The following ASIC2 variants were observed in gnomAD, a reference collection of about 807,000 sequenced individuals.
ASIC2 encodes acid-sensing ion channel 2.
In ASIC2, 25 loss-of-function variants were observed where a neutral mutation model predicts 57.3. The ratio of observed to expected loss-of-function variants is 0.44; its 90% CI spans 0.32 to 0.61. The LOEUF is 0.61. ASIC2 is among the 20% of genes least tolerant of loss of function. The pLI, the probability that ASIC2 is intolerant of heterozygous loss-of-function variation, is 0.06. For missense variants in ASIC2, 641 were observed against 738.1 expected (o/e 0.87, Z 1.52); for synonymous variants, 319 against 307.5 (o/e 1.04, Z -0.39).
intron 1 of ASIC2, among the ~76,000 whole-genome samples, chr17:33,670,805 G>T (rs1171038965): frequency 6.6e-6 from 1 of 152,186 alleles, no homozygotes; most frequent in Non-Finnish European, 1.5e-5. Context: ...CCAGGTAAAT[G>T]TGCACCAGTC....
At chr17:33,628,852 C>T (rs1389916707) in intron 1 of ASIC2, among the ~76,000 whole-genome samples, 1 of 152,194 alleles carries the variant, frequency 6.6e-6, no homozygotes, top group African/African-American at 2.4e-5. Context: ...TAGCAAGAGA[C>T]CAGTCTGGGT....
intron 1 of ASIC2, among the ~76,000 whole-genome samples, chr17:33,212,444 C>T (rs534409921): frequency 3.3e-5 from 5 of 152,146 alleles, no homozygotes; most frequent in East Asian, 1.9e-4. Flanking sequence ...TTCCAGGGAG[C>T]CTTCAGAAGG....
chr17:34,018,614 A>C (rs1172875751), intron 1 of ASIC2, among the ~76,000 whole-genome samples: 1 of 152,236 alleles, frequency 6.6e-6, no homozygotes, highest in Non-Finnish European at 1.5e-5. Flanking sequence ...ATTCATAGGA[A>C]GCAGTCAAAA....
At chr17:33,854,891 T>C (rs927536461) in intron 1 of ASIC2, among the ~76,000 whole-genome samples, 1 of 152,052 alleles carries the variant, frequency 6.6e-6, no homozygotes, top group African/African-American at 2.4e-5. Flanking sequence ...ACACGTGCTG[T>C]CTCCAGAGCT....
chr17:34,098,339 C>T (rs1910621658), intron 1 of ASIC2, among the ~76,000 whole-genome samples: 1 of 152,156 alleles, frequency 6.6e-6, no homozygotes, highest in African/African-American at 2.4e-5. Context: ...AGTGAACACA[C>T]CACAGTTCAG....
intron 1 of ASIC2, among the ~76,000 whole-genome samples, chr17:33,304,772 G>T (rs576488651): frequency 6.6e-6 from 1 of 152,128 alleles, no homozygotes; most frequent in East Asian, 1.9e-4. Context: ...ACTCAGATGC[G>T]AAACTGTCCC....
At chr17:34,118,885 G>C (rs1175610089) in intron 1 of ASIC2, 1 of 152,312 alleles carries the variant, frequency 6.6e-6, no homozygotes, top group Non-Finnish European at 1.5e-5. Flanking sequence ...GCATGGATAA[G>C]AATCAGTCCT....
At chr17:33,734,536 A>G (rs563741716) in intron 1 of ASIC2, among the ~76,000 whole-genome samples, 1 of 151,392 alleles carries the variant, frequency 6.6e-6, no homozygotes, top group Non-Finnish European at 1.5e-5. Context: ...TTTCCTACCT[A>G]CCCCTCTTCC....
chr17:33,494,085 G>A (rs758272410), intron 1 of ASIC2, among the ~76,000 whole-genome samples: 7 of 152,220 alleles, frequency 4.6e-5, no homozygotes, highest in Non-Finnish European at 1.0e-4. Context: ...CTAGGAAATG[G>A]TAAGCTGGGC....
chr17:34,147,733 G>A lies in ASIC2; in HGVS notation c.555+8245C>T, dbSNP rs1443472697. Among the ~76,000 whole-genome samples the A allele has an allele frequency of 1.3e-5, 2 of 152,176 alleles. 1 individual carries two copies. The highest frequency in any genetic ancestry group is 3.9e-4 in the East Asian group (2 of 5,194). ...TCAAATGGCCTTGCTGGTCAAGGTA[G>A]ATATTTTAACTCAGCTCCATCAAAC... On this transcript the variant is annotated intron_variant, in intron 1 of 9. Transcript: ENST00000359872.
At chr17:33,775,225 A>G (rs944561390) in intron 1 of ASIC2, among the ~76,000 whole-genome samples, 11 of 152,180 alleles carry the variant, frequency 7.2e-5, no homozygotes, top group African/African-American at 2.7e-4. Context: ...GCCTCCTCAC[A>G]TTACAAATTG....
chr17:33,139,760 T>C lies in ASIC2; in HGVS notation c.709-27693A>G, dbSNP rs943783394. On this transcript the variant is annotated intron_variant, in intron 1 of 9. Coordinates refer to ENST00000225823, the MANE Select transcript of ASIC2 (RefSeq NM_183377.2). ...TGGGCCATGCCTTGAAGAGTACCTG[T>C]ATACTTCCCCTCCCTTCTTTCCCCG... Among the ~76,000 whole-genome samples the C allele has an allele frequency of 2.0e-5, 3 of 152,150 alleles. No homozygotes were observed. The East Asian group carries it at 5.8e-4, about 29-fold the overall frequency.
At chr17:33,420,164 G>T (rs1438640783) in intron 1 of ASIC2, among the ~76,000 whole-genome samples, 1 of 152,206 alleles carries the variant, frequency 6.6e-6, no homozygotes, top group Non-Finnish European at 1.5e-5. Context: ...ACGTCTGCTA[G>T]CTGCTGAGCT....
intron 1 of ASIC2, among the ~76,000 whole-genome samples, chr17:34,098,211 A>T (rs1442492618): frequency 6.6e-6 from 1 of 152,198 alleles, no homozygotes; most frequent in African/African-American, 2.4e-5. Flanking sequence ...CTGTGCAGAC[A>T]AAGCGCATGG....
intron 1 of ASIC2, among the ~76,000 whole-genome samples, chr17:33,664,860 A>G (rs899542736): frequency 4.6e-5 from 7 of 152,222 alleles, no homozygotes; most frequent in Non-Finnish European, 8.8e-5. Context: ...TGATGTGAGC[A>G]ATGCAAGCAC....
At chr17:33,598,565 A>C (rs1258578266) in intron 1 of ASIC2, among the ~76,000 whole-genome samples, 1 of 152,184 alleles carries the variant, frequency 6.6e-6, no homozygotes, top group Admixed American at 6.5e-5. Context: ...GTATCAAAAG[A>C]GGATTTAAAA....
intron 1 of ASIC2, among the ~76,000 whole-genome samples, chr17:34,081,245 T>C (rs998663858): frequency 3.9e-5 from 6 of 152,134 alleles, no homozygotes; most frequent in African/African-American, 7.2e-5. Context: ...ACATGGGATT[T>C]TGGCACACAA....
chr17:33,094,758 T>C (rs531731272), intron 2 of ASIC2, among the ~76,000 whole-genome samples: 1 of 152,298 alleles, frequency 6.6e-6, no homozygotes, highest in African/African-American at 2.4e-5. Flanking sequence ...TGTCCCCTAG[T>C]CCTAGCTCCG....
At chr17:33,947,337 C>T (rs936606128) in intron 1 of ASIC2, among the ~76,000 whole-genome samples, 14 of 152,270 alleles carry the variant, frequency 9.2e-5, no homozygotes, top group Admixed American at 3.3e-4. Context: ...ATTGGCGTTT[C>T]GCTCTAATTA....
Sources: allele counts gnomAD v4.1 joint callset (sites outside exome capture counted in the v4.1 genomes callset), GRCh38; gene constraint gnomAD v4.1.1; transcripts MANE v1.5; gene names NCBI Gene and HGNC (gene_info 2026-07-23, HGNC 2026-07-21).